The following PLIN5 variants were observed in gnomAD, a reference collection of about 807,000 sequenced individuals.
The protein encoded by PLIN5 is perilipin-5.
In PLIN5, 34 loss-of-function variants were observed where a neutral mutation model predicts 32.8. The ratio of observed to expected loss-of-function variants is 1.04; its 90% CI spans 0.79 to 1.38. The LOEUF is 1.38. Among genes scored for constraint, PLIN5 ranks in the 40% most tolerant of loss-of-function variants. The pLI, the probability that PLIN5 is intolerant of heterozygous loss-of-function variation, is 0.00. For missense variants in PLIN5, 712 were observed against 660.5 expected, an observed-to-expected ratio of 1.08 and a Z score of -0.85; for synonymous variants, 309 against 292.9, an observed-to-expected ratio of 1.05 and a Z score of -0.56.
At chr19:4,528,911 C>T (rs892187722) in intron 5 of PLIN5, 162 bp downstream of exon 5, 16 of 713,292 alleles carry the variant, frequency 2.2e-5, no homozygotes, top group Middle Eastern at 3.6e-4. Flanking sequence ...GTTGAGGGGC[C>T]GTGGAAGTGA....
intron 2 of PLIN5, chr19:4,532,224 C>G (rs559560194): frequency 6.3e-5 from 10 of 157,696 alleles, no homozygotes; most frequent in African/African-American, 2.4e-4. Flanking sequence ...GGGAGTCTCG[C>G]TCTATCGCCC....
At position 4,529,610 on chromosome 19, in the gene PLIN5, TACACACACACACACACACACACAC is replaced by T. The variant is rs56850019; in HGVS notation, c.339+150_339+173del. On this transcript the variant is annotated intron_variant, in intron 4 of 7. Coordinates refer to ENST00000381848, the MANE Select transcript of PLIN5 (RefSeq NM_001013706.3). ...CACTATACGTATATACATATATGTA[TACACACACACACACACACACACAC>T]ACACACACACACACACGTTGCAGTT... is the stretch of plus-strand genomic sequence containing the variant. 2.8e-3 allele frequency: 1,223 copies of T among 432,446 alleles called. 4 individuals carry two copies. The highest frequency in any genetic ancestry group is 4.3e-3 in the Non-Finnish European group (1,002 of 235,006). 26.8% of individuals were successfully genotyped at this position (432,446 alleles called of 1,614,324 possible).
At chr19:4,533,686 C>T (rs965828735) in intron 2 of PLIN5, 2 of 498,776 alleles carry the variant, frequency 4.0e-6, no homozygotes, top group Admixed American at 3.5e-5. Flanking sequence ...GATTGCTGCT[C>T]TTACTATTGT....
Position 4,525,499 on chromosome 19 carries a change from C to T in PLIN5, c.720+134G>A, listed in dbSNP as rs1976788879. The T allele has an allele frequency of 7.2e-6, 8 of 1,115,624 alleles. No individual in the cohort carries two copies. The East Asian group carries it at 2.1e-4, about 29-fold the overall frequency. 69.1% of individuals were successfully genotyped at this position (1,115,624 alleles called of 1,614,324 possible). On this transcript the variant is annotated intron_variant, in intron 6 of 7. Transcript: ENST00000381848. The surrounding 1 kb of genome is among the most constrained non-coding windows in gnomAD (Gnocchi z 5.6). ...CAGGCCCGGGTCCCCCAGCCCTGAA[C>T]ACATGCAGCTGGAGACAGCTGCACC... is the stretch of plus-strand genomic sequence containing the variant.
intron 4 of PLIN5, 136 bp downstream of exon 4, chr19:4,529,648 C>CACAT (rs1976858456): frequency 3.2e-6 from 2 of 629,540 alleles, no homozygotes; most frequent in Non-Finnish European, 5.7e-6. Context: ...CACACACACA[C>CACAT]ACGTTGCAGT....
intron 5 of PLIN5, among the ~76,000 whole-genome samples, chr19:4,527,177 G>T (rs1197885516): frequency 2.0e-5 from 3 of 151,830 alleles, no homozygotes; most frequent in African/African-American, 4.8e-5. Context: ...CCAGGTTCAC[G>T]CCATTCTCCC....
At position 4,527,562 on chromosome 19, in the gene PLIN5, A is replaced by G. The variant is rs865961450; in HGVS notation, c.520+1511T>C. Among the ~76,000 whole-genome samples, 59 of 145,656 alleles carry G rather than the reference A, an allele frequency of 4.1e-4. 1 individual carries two copies. In the South Asian group the frequency reaches 8.9e-3, roughly 22 times the overall value. ...TCAAAAAAAAAAAAAAAAAAAAAAA[A>G]AAAACAACAATGGTTGGGCGTGGTG... On this transcript the variant is annotated intron_variant, in intron 5 of 7. Coordinates refer to ENST00000381848, the MANE Select transcript of PLIN5 (RefSeq NM_001013706.3).
chr19:4,527,663 T>C (rs1466630309), intron 5 of PLIN5, among the ~76,000 whole-genome samples: 1 of 148,396 alleles, frequency 6.7e-6, no homozygotes, highest in Non-Finnish European at 1.5e-5. Flanking sequence ...TTGGCCAACA[T>C]GCAAAACCCC....
Position 4,531,820 on chromosome 19 carries a change from G to A in PLIN5, c.63C>T (p.Asn21=), listed in dbSNP as rs752887556. The part of the protein sequence containing the change: ...RSSVWEQDQQ[N]VVQRVVALPL... ...GCAGAGCCACCACACGCTGCACCAC[G>A]TTCTGCGGGAAGGGTCGGCATCAGG... Residue 21 remains asparagine (N), a splice_region_variant and synonymous_variant, in exon 3 of 8, where the codon AAC becomes AAT. Transcript: ENST00000381848. 7.8e-6 allele frequency: 12 copies of A among 1,546,234 alleles called. No homozygotes were observed. The East Asian group carries it at 1.2e-4, about 15-fold the overall frequency.
At chr19:4,531,128 G>A (rs1599764573) in intron 3 of PLIN5, among the ~76,000 whole-genome samples, 1 of 151,802 alleles carries the variant, frequency 6.6e-6, no homozygotes, top group East Asian at 1.9e-4. Flanking sequence ...AGCCTCCTGA[G>A]TAGCTAGGAT....
Position 4,524,968 on chromosome 19 carries a change from T to C in PLIN5, c.829A>G (p.Ser277Gly). The part of the protein sequence containing the change: ...GQRPPESRRR[S>G]QAELETLVLS... ...TGGCACTCCTGCGGTCTCACCTGGC[T>C]CCGGCGGCGGCTCTCCGGAGGGCGC... is the stretch of plus-strand genomic sequence containing the variant. The change falls in exon 7 of 8, where the codon AGC becomes GGC. Residue 277 changes from serine to glycine, a missense_variant. By Grantham distance (56) the Ser-to-Gly change is moderately conservative (BLOSUM62 0). Transcript: ENST00000381848. 3.9e-6 allele frequency: 6 copies of C among 1,532,354 alleles called. No individual in the cohort carries two copies. The highest frequency in any genetic ancestry group is 5.3e-6 in the Non-Finnish European group (6 of 1,139,794). The allele number at this position is 1,532,354 out of a possible 1,614,324, so 94.9% of individuals were successfully genotyped here.
At position 4,523,474 on chromosome 19, in the gene PLIN5, C is replaced by A; in HGVS notation, c.*54G>T. ...CTTACGTGTGGCCACCAGGGGGCAG[C>A]AGGGATCGGGGTGTGCAGGTGGCCT... On this transcript the variant is annotated 3_prime_UTR_variant, in exon 8 of 8. Transcript: ENST00000381848. The surrounding 1 kb of genome is among the most constrained non-coding windows in gnomAD (Gnocchi z 5.0). The A allele has an allele frequency of 6.7e-7, 1 of 1,500,052 alleles. No individual in the cohort carries two copies. 92.9% of individuals were successfully genotyped at this position (1,500,052 alleles called of 1,614,324 possible).
chr19:4,525,182 A>AC lies in PLIN5; in HGVS notation c.721-107dup. The AC allele has an allele frequency of 1.4e-6, 1 of 705,254 alleles. No homozygotes were observed. Among genetic ancestry groups the AC allele is most frequent in the Non-Finnish European group, 2.2e-6 (1 of 448,128 alleles). The allele number at this position is 705,254 out of a possible 1,614,324, so 43.7% of individuals were successfully genotyped here. The stretch of plus-strand genomic sequence containing the variant: ...TCTGGCCTCAGTAAGCATTTAGGAG[A>AC]CCGAGGCAGGTTGTGCAGGGCCGTG... On this transcript the variant is annotated intron_variant, in intron 6 of 7. Transcript: ENST00000381848. The surrounding 1 kb of genome is among the most constrained non-coding windows in gnomAD (Gnocchi z 5.6).
intron 4 of PLIN5, chr19:4,529,491 C>T (rs1465345489): frequency 1.7e-5 from 9 of 540,978 alleles, no homozygotes; most frequent in African/African-American, 7.6e-5. Context: ...TACACATATA[C>T]ACACATATAC....
chr19:4,524,032 G>GC lies in PLIN5; in HGVS notation c.887dup (p.Thr297HisfsTer22). 1 of 1,489,652 alleles carries GC rather than the reference G, an allele frequency of 6.7e-7. No individual in the cohort carries two copies. Among genetic ancestry groups the GC allele is most frequent in the Non-Finnish European group, 8.9e-7 (1 of 1,129,448 alleles). The allele number at this position is 1,489,652 out of a possible 1,614,324, so 92.3% of individuals were successfully genotyped here. A position where few individuals can be genotyped will look rare whatever the true frequency, so the allele number is the denominator to read the frequency against. Reference sequence around the variant, plus strand: ...CGCTGGACTCCAGAGCCTCTACCGTGCCCTGCAGCTCCTGGGTCAGGCTGC... The same window carrying GC: ...CGCTGGACTCCAGAGCCTCTACCGTGCCCCTGCAGCTCCTGGGTCAGGCTGC... On this transcript the variant is annotated frameshift_variant, in exon 8 of 8. Coordinates refer to ENST00000381848, the MANE Select transcript of PLIN5 (RefSeq NM_001013706.3). LOFTEE classifies it low-confidence loss of function (END_TRUNC).
At chr19:4,527,578 G>C (rs1033616396) in intron 5 of PLIN5, among the ~76,000 whole-genome samples, 2 of 142,084 alleles carry the variant, frequency 1.4e-5, no homozygotes, top group African/African-American at 2.6e-5. Context: ...AACAATGGTT[G>C]GGCGTGGTGG....
At position 4,524,057 on chromosome 19, in the gene PLIN5, C is replaced by T. The variant is rs762421444; in HGVS notation, c.863G>A (p.Arg288His). Reference sequence around the variant, plus strand: ...GCCCTGCAGCTCCTGGGTCAGGCTGCGGGACAGCACCAGCGTCTCCAGCTC... The same window carrying T: ...GCCCTGCAGCTCCTGGGTCAGGCTGTGGGACAGCACCAGCGTCTCCAGCTC... ...QAELETLVLS[R>H]SLTQELQGTV... The change falls in exon 8 of 8, where the codon CGC (arginine) becomes CAC (histidine). Residue 288 changes from arginine (R) to histidine (H), a missense_variant. Arg to His is a conservative substitution (Grantham distance 29, BLOSUM62 0). Transcript: ENST00000381848. The T allele has an allele frequency of 1.2e-5, 17 of 1,457,284 alleles. No individual in the cohort carries two copies. Among genetic ancestry groups the T allele is most frequent in the African/African-American group, 2.9e-5 (2 of 67,946 alleles). 90.3% of individuals were successfully genotyped at this position (1,457,284 alleles called of 1,614,324 possible). A position where few individuals can be genotyped will look rare whatever the true frequency, so the allele number is the denominator to read the frequency against.
At chr19:4,532,114 G>A (rs982243995) in intron 2 of PLIN5, among the ~76,000 whole-genome samples, 1 of 150,948 alleles carries the variant, frequency 6.6e-6, no homozygotes. Flanking sequence ...CTCGGCTCAC[G>A]GCAACCTCCT....
At chr19:4,534,435 C>T (rs1391015601) in intron 1 of PLIN5, among the ~76,000 whole-genome samples, 2 of 152,140 alleles carry the variant, frequency 1.3e-5, no homozygotes, top group Non-Finnish European at 2.9e-5. Context: ...AGCAGTGGCG[C>T]CATCCCAGCT....
Sources: gnomAD v4.1 joint callset for allele counts (sites outside exome capture counted in the v4.1 genomes callset) on GRCh38, gnomAD v4.1.1 for gene constraint, Gnocchi (gnomAD v3.1) non-coding constraint, MANE v1.5 for transcripts, NCBI Gene and HGNC (gene_info 2026-07-23, HGNC 2026-07-21) for gene names.